The following DLG2 variants were observed in gnomAD, a reference collection of about 807,000 sequenced individuals.
The protein encoded by DLG2 is disks large homolog 2.
A neutral mutation model predicts 132.5 loss-of-function variants in DLG2; 45 were observed. That is an observed-to-expected ratio of 0.34 (90% CI 0.27 to 0.44). The LOEUF is 0.44. DLG2 is among the 20% of genes least tolerant of loss of function. The probability of loss-of-function intolerance (pLI) is 1.00; values close to 1 mark genes in which losing one functional copy is unlikely to be tolerated. For missense variants in DLG2, 1,045 were observed against 1,196.9 expected (o/e 0.87, Z 1.87); for synonymous variants, 424 against 419.6 (o/e 1.01, Z -0.13).
intron 18 of DLG2, among the ~76,000 whole-genome samples, chr11:83,676,568 C>T (rs976653250): frequency 6.6e-6 from 1 of 152,150 alleles, no homozygotes; most frequent in African/African-American, 2.4e-5. Context: ...GAGAGCATAG[C>T]TTATACTGGG....
At chr11:84,464,016 C>A (rs779249160) in intron 7 of DLG2, among the ~76,000 whole-genome samples, 3 of 151,122 alleles carry the variant, frequency 2.0e-5, no homozygotes, top group South Asian at 2.1e-4. Context: ...ATCAAATATG[C>A]AAAATTTCAA....
At chr11:84,924,670 T>G (rs1295757015) in intron 6 of DLG2, among the ~76,000 whole-genome samples, 3 of 152,342 alleles carry the variant, frequency 2.0e-5, no homozygotes, top group Admixed American at 1.3e-4. Flanking sequence ...ATAGCTATTT[T>G]GGGCTGTCAT....
intron 18 of DLG2, among the ~76,000 whole-genome samples, chr11:83,658,905 T>C (rs2073484142): frequency 6.6e-6 from 1 of 152,226 alleles, no homozygotes; most frequent in Non-Finnish European, 1.5e-5. Flanking sequence ...CTGTGGTGTG[T>C]AGTAGCATCA....
chr11:83,849,083 C>T lies in DLG2; in HGVS notation c.1566-15313G>A, dbSNP rs544424464. On this transcript the variant is annotated intron_variant, in intron 16 of 27. Coordinates refer to ENST00000376104, the MANE Select transcript of DLG2 (RefSeq NM_001142699.3). ...CTTATTCCTCTGCAGTAGTTAATTA[C>T]CCAGCTTTGGTTTCAGACACACATC... 5.9e-5 allele frequency among the ~76,000 whole-genome samples: 9 copies of T among 152,232 alleles called. No homozygotes were observed. In the South Asian group the frequency reaches 1.9e-3, roughly 32 times the overall value.
chr11:83,874,349 G>T, intron 16 of DLG2, 71 bp downstream of exon 16: 2 of 1,084,384 alleles, frequency 1.8e-6, no homozygotes, highest in African/African-American at 1.6e-5. Flanking sequence ...GAGAGACAGA[G>T]ACAGGGAGAG....
rs561704792 is a variant in DLG2 at position 84,912,805 on chromosome 11, A to G, written c.357+198856T>C. Among the ~76,000 whole-genome samples the G allele has an allele frequency of 5.9e-5, 9 of 152,304 alleles. No homozygotes were observed. The East Asian group carries it at 1.7e-3, about 29-fold the overall frequency. On this transcript the variant is annotated intron_variant, in intron 6 of 27. Transcript: ENST00000376104. ...GGTCTCGCAGAAGGTAATGATGGAA[A>G]GTGACTGAGGCCATCATGAGGATGA...
chr11:85,411,379 A>G (rs1189385734), intron 3 of DLG2, among the ~76,000 whole-genome samples: 1 of 151,896 alleles, frequency 6.6e-6, no homozygotes, highest in Non-Finnish European at 1.5e-5. Context: ...AGTCTCTTGC[A>G]GCGTTAAAGA....
chr11:84,060,428 A>G (rs2096572994), intron 10 of DLG2, among the ~76,000 whole-genome samples: 1 of 152,164 alleles, frequency 6.6e-6, no homozygotes, highest in African/African-American at 2.4e-5. Flanking sequence ...AATATTATAA[A>G]TACTGAAGTT....
intron 8 of DLG2, among the ~76,000 whole-genome samples, chr11:84,190,450 C>T (rs1429047742): frequency 6.6e-6 from 1 of 152,004 alleles, no homozygotes; most frequent in African/African-American, 2.4e-5. Flanking sequence ...GGTCTTTTTC[C>T]CCCTCTAGAA....
chr11:84,960,981 C>T (rs2052473050), intron 6 of DLG2, among the ~76,000 whole-genome samples: 1 of 152,048 alleles, frequency 6.6e-6, no homozygotes, highest in Non-Finnish European at 1.5e-5. Flanking sequence ...ATATAACTAG[C>T]ACATTCAATA....
intron 3 of DLG2, among the ~76,000 whole-genome samples, chr11:85,375,358 C>T (rs1350550195): frequency 1.3e-5 from 2 of 152,160 alleles, no homozygotes; most frequent in Non-Finnish European, 2.9e-5. Flanking sequence ...CTTGCCTAAT[C>T]AACCAGATCA....
chr11:84,556,552 C>T (rs1348793014), intron 6 of DLG2, among the ~76,000 whole-genome samples: 1 of 152,140 alleles, frequency 6.6e-6, no homozygotes, highest in East Asian at 1.9e-4. Flanking sequence ...GCAAAACAGT[C>T]CCACGATGTT....
chr11:83,701,980 T>C (rs2083030163), intron 18 of DLG2, among the ~76,000 whole-genome samples: 1 of 152,216 alleles, frequency 6.6e-6, no homozygotes, highest in Admixed American at 6.5e-5. Flanking sequence ...TAGGGAAACA[T>C]CCTGAGGCTA....
intron 6 of DLG2, among the ~76,000 whole-genome samples, chr11:84,648,254 A>G (rs2099677271): frequency 6.6e-6 from 1 of 152,238 alleles, no homozygotes; most frequent in Non-Finnish European, 1.5e-5. Context: ...AACCCCCTTC[A>G]TAGAAGAAGA....
chr11:85,479,846 T>A (rs1056222729), intron 3 of DLG2, among the ~76,000 whole-genome samples: 2 of 152,198 alleles, frequency 1.3e-5, no homozygotes, highest in Non-Finnish European at 2.9e-5. Flanking sequence ...GATGGCTGTC[T>A]TCTCCCAATG....
At chr11:84,975,535 T>C (rs1468911520) in intron 6 of DLG2, among the ~76,000 whole-genome samples, 1 of 152,166 alleles carries the variant, frequency 6.6e-6, no homozygotes, top group Non-Finnish European at 1.5e-5. Flanking sequence ...ATTAGAAATA[T>C]TCAAGGAGAA....
chr11:83,459,946 C>A, intron 27 of DLG2, 22 bp from the exon 28 acceptor site: 1 of 1,326,796 alleles, frequency 7.5e-7, no homozygotes, highest in Non-Finnish European at 1.1e-6. Flanking sequence ...GCAAACACAC[C>A]CAGAATTAGA....
At chr11:83,923,514 T>C (rs966483913) in intron 15 of DLG2, among the ~76,000 whole-genome samples, 2 of 152,114 alleles carry the variant, frequency 1.3e-5, no homozygotes, top group Non-Finnish European at 2.9e-5. Flanking sequence ...AGGGACCCGA[T>C]ATATTTTGTC....
At chr11:84,134,263 TC>T (rs2094522795) in intron 9 of DLG2, among the ~76,000 whole-genome samples, 1 of 151,036 alleles carries the variant, frequency 6.6e-6, no homozygotes, top group Non-Finnish European at 1.5e-5. Context: ...GAAACAGTCT[TC>T]CTGAGGAGGA....
Sources: gnomAD v4.1 joint callset for allele counts (sites outside exome capture counted in the v4.1 genomes callset) on GRCh38, gnomAD v4.1.1 for gene constraint, MANE v1.5 for transcripts, NCBI Gene and HGNC (gene_info 2026-07-23, HGNC 2026-07-21) for gene names.